The following GPHN variants were observed in gnomAD, a reference collection of about 807,000 sequenced individuals.
GPHN encodes the protein gephyrin.
In GPHN, 17 loss-of-function variants were observed where a neutral mutation model predicts 95.5. That is an observed-to-expected ratio of 0.18 (90% CI 0.12 to 0.27). The LOEUF (loss-of-function observed/expected upper bound fraction) is 0.27, where lower values mean the gene tolerates loss of function less well. Ranked by LOEUF, GPHN falls within the 10% of genes least tolerant of loss-of-function variation. The pLI, the probability that GPHN is intolerant of heterozygous loss-of-function variation, is 1.00. For synonymous variants in GPHN, 320 were observed against 322.5 expected, an observed-to-expected ratio of 0.99 and a Z score of 0.08; for missense variants, 660 against 978.1, an observed-to-expected ratio of 0.67 and a Z score of 4.34.
At chr14:66,994,529 C>T (rs2071652675) in intron 9 of GPHN, among the ~76,000 whole-genome samples, 1 of 152,102 alleles carries the variant, frequency 6.6e-6, no homozygotes, top group Non-Finnish European at 1.5e-5. Flanking sequence ...TTGCCCTCCT[C>T]GGAACTGACT....
At chr14:67,685,868 G>A in the GPHN span, among the ~76,000 whole-genome samples, 6 of 152,034 alleles carry the variant, frequency 3.9e-5, no homozygotes, top group East Asian at 1.2e-3. Flanking sequence ...TGCCCACCTC[G>A]GCCTCCCAAA....
At chr14:67,522,031 G>A in the GPHN span, among the ~76,000 whole-genome samples, 2 of 152,242 alleles carry the variant, frequency 1.3e-5, no homozygotes, top group South Asian at 2.1e-4. Context: ...AAAATTAGCC[G>A]GGCATGGTGG....
chr14:67,319,305 C>A, the GPHN span, among the ~76,000 whole-genome samples: 1 of 152,086 alleles, frequency 6.6e-6, no homozygotes, highest in African/African-American at 2.4e-5. Flanking sequence ...ACTTGGCAGG[C>A]TACTAGTTAT....
intron 21 of GPHN, among the ~76,000 whole-genome samples, chr14:67,175,645 T>C (rs927611422): frequency 1.2e-4 from 19 of 152,192 alleles, no homozygotes; most frequent in African/African-American, 4.3e-4. Context: ...GGGGATAGCA[T>C]TGAGTCTATA....
intron 1 of GPHN, among the ~76,000 whole-genome samples, chr14:66,595,548 G>C (rs2061938668): frequency 6.6e-6 from 1 of 152,128 alleles, no homozygotes; most frequent in Non-Finnish European, 1.5e-5. Context: ...CGTGTGATCT[G>C]GCCACTGCAC....
At chr14:67,178,002 G>T (rs760014504) in intron 21 of GPHN, among the ~76,000 whole-genome samples, 3 of 152,152 alleles carry the variant, frequency 2.0e-5, no homozygotes, top group Non-Finnish European at 4.4e-5. Context: ...ACACCGATGG[G>T]TCTTGACTGT....
At chr14:67,390,649 G>A in the GPHN span, 1 of 1,578,122 alleles carries the variant, frequency 6.3e-7, no homozygotes, top group Non-Finnish European at 8.7e-7. Flanking sequence ...CATGGAGCCA[G>A]CATGCGCACT....
At chr14:66,977,313 C>T (rs190410805) in intron 9 of GPHN, among the ~76,000 whole-genome samples, 1,829 of 152,046 alleles carry the variant, frequency 0.012, 18 homozygotes, top group Non-Finnish European at 0.018. Flanking sequence ...CGCCTGTAGT[C>T]CCAGCTACTT....
At chr14:67,071,366 A>G (rs2076299584) in intron 11 of GPHN, among the ~76,000 whole-genome samples, 1 of 152,162 alleles carries the variant, frequency 6.6e-6, no homozygotes. Flanking sequence ...CATCATTCTG[A>G]GCAAACTATC....
the GPHN span, chr14:67,380,787 T>C: frequency 7.3e-7 from 1 of 1,365,980 alleles, no homozygotes; most frequent in Non-Finnish European, 9.9e-7. Context: ...TTTAAATGAT[T>C]TTTACAGTAT....
the GPHN span, among the ~76,000 whole-genome samples, chr14:67,459,778 G>A: frequency 2.6e-5 from 4 of 152,194 alleles, no homozygotes; most frequent in South Asian, 2.1e-4. Context: ...CAATTATATC[G>A]TTGAAGTGCC....
intron 9 of GPHN, among the ~76,000 whole-genome samples, chr14:66,992,767 A>C (rs1316165227): frequency 6.6e-6 from 1 of 152,150 alleles, no homozygotes; most frequent in Non-Finnish European, 1.5e-5. Context: ...TTTTGCATTT[A>C]TAAATTGTGG....
chr14:66,755,301 A>C (rs978169254), intron 2 of GPHN, among the ~76,000 whole-genome samples: 1 of 152,150 alleles, frequency 6.6e-6, no homozygotes, highest in Non-Finnish European at 1.5e-5. Context: ...TTAATCTATT[A>C]GAGCATAACT....
chr14:67,407,940 A>G, the GPHN span, among the ~76,000 whole-genome samples: 2 of 152,146 alleles, frequency 1.3e-5, no homozygotes, highest in Non-Finnish European at 2.9e-5. Flanking sequence ...ACCTGTGAAC[A>G]GTCCCTGTGC....
chr14:67,291,260 G>A, the GPHN span, among the ~76,000 whole-genome samples: 4 of 149,668 alleles, frequency 2.7e-5, no homozygotes, highest in African/African-American at 9.9e-5. Flanking sequence ...ATGGAGTCTT[G>A]CTCTGTTGCC....
chr14:66,816,110 A>C (rs2060955976), intron 3 of GPHN, among the ~76,000 whole-genome samples: 1 of 152,162 alleles, frequency 6.6e-6, no homozygotes, highest in African/African-American at 2.4e-5. Flanking sequence ...GAAGATCTAA[A>C]TATCCTAAAT....
the GPHN span, chr14:67,578,100 G>T: frequency 6.2e-7 from 1 of 1,613,390 alleles, no homozygotes; most frequent in African/African-American, 1.3e-5. The surrounding 1 kb of genome is among the most constrained non-coding windows in gnomAD (Gnocchi z 5.0). Flanking sequence ...AGACCGCACT[G>T]CAGGTCTGCC....
At chr14:66,523,859 A>G (rs1401741611) in intron 1 of GPHN, among the ~76,000 whole-genome samples, 4 of 152,122 alleles carry the variant, frequency 2.6e-5, no homozygotes, top group Admixed American at 2.0e-4. Flanking sequence ...GTGTATCCCC[A>G]TGCCCTTTTC....
chr14:67,413,887 T>C, the GPHN span, among the ~76,000 whole-genome samples: 2 of 152,372 alleles, frequency 1.3e-5, no homozygotes, highest in Admixed American at 1.3e-4. Flanking sequence ...GTGTTTATTA[T>C]GTCATTTTCC....
Sources: allele counts gnomAD v4.1 joint callset (sites outside exome capture counted in the v4.1 genomes callset), GRCh38; gene constraint gnomAD v4.1.1; non-coding constraint Gnocchi (gnomAD v3.1); transcripts MANE v1.5; gene names NCBI Gene and HGNC (gene_info 2026-07-23, HGNC 2026-07-21).